Variants in MIAT observed in about 807,000 individuals in gnomAD.
The protein encoded by MIAT is MI related novel mRNA.
intron 2 of MIAT, among the ~76,000 whole-genome samples, chr22:26,649,201 G>A (rs1055423361): frequency 6.6e-6 from 1 of 152,186 alleles, no homozygotes; most frequent in Non-Finnish European, 1.5e-5. Flanking sequence ...TTTTACAGAA[G>A]AGGAAACTGA....
chr22:26,647,884 G>T (rs1443873991), intron 2 of MIAT, among the ~76,000 whole-genome samples: 2 of 151,770 alleles, frequency 1.3e-5, no homozygotes, highest in Non-Finnish European at 2.9e-5. Context: ...GGAGTGCATT[G>T]GGTGTGGGGG....
chr22:26,668,663 G>A, exon 6 of MIAT: 2 of 399,218 alleles, frequency 5.0e-6, no homozygotes, highest in Admixed American at 4.4e-5. Flanking sequence ...GTCAGGCAGA[G>A]GGCAGATGCA....
downstream of MIAT, chr22:26,669,662 T>C (rs1026734241): frequency 2.5e-5 from 10 of 398,662 alleles, no homozygotes; most frequent in African/African-American, 1.6e-4. Flanking sequence ...ACCGCAAACA[T>C]GGAAAGTCAG....
intron 2 of MIAT, among the ~76,000 whole-genome samples, chr22:26,649,252 G>A (rs1930294030): frequency 6.6e-6 from 1 of 152,206 alleles, no homozygotes; most frequent in African/African-American, 2.4e-5. Flanking sequence ...GTCACATGGT[G>A]GGTAAGGGGC....
downstream of MIAT, chr22:26,673,531 C>A: frequency 2.5e-6 from 1 of 398,738 alleles, no homozygotes; most frequent in Non-Finnish European, 4.4e-6. Context: ...CTGGTCTGTT[C>A]CTTTCAGCAG....
At chr22:26,663,797 G>A (rs1451578414) in intron 3 of MIAT, among the ~76,000 whole-genome samples, 3 of 152,028 alleles carry the variant, frequency 2.0e-5, no homozygotes, top group Non-Finnish European at 4.4e-5. Flanking sequence ...TTTTGACAAA[G>A]GTATACACCT....
At chr22:26,670,645 T>G (rs1274659878), downstream of MIAT, 5 of 379,232 alleles carry the variant, frequency 1.3e-5, no homozygotes, top group African/African-American at 4.3e-5. Flanking sequence ...TAATTCAAAT[T>G]CCGCTGCACT....
At chr22:26,659,338 T>C (rs548920389) in intron 2 of MIAT, among the ~76,000 whole-genome samples, 1 of 152,328 alleles carries the variant, frequency 6.6e-6, no homozygotes, top group South Asian at 2.1e-4. Flanking sequence ...AAGCATTTTA[T>C]GTAAACACCT....
In MIAT at chr22:26,675,945, A is replaced by T. The variant is rs1931245496; in HGVS notation, n.9613A>T. 4.0e-5 allele frequency: 16 copies of T among 398,588 alleles called. No homozygotes were observed. The East Asian group carries it at 5.7e-4, about 14-fold the overall frequency. 24.7% of individuals were successfully genotyped at this position (398,588 alleles called of 1,614,324 possible). A position where few individuals can be genotyped will look rare whatever the true frequency, so the allele number is the denominator to read the frequency against. On this transcript the variant is annotated non_coding_transcript_exon_variant, in exon 5 of 5. Coordinates refer to the MIAT transcript ENST00000613780. Reference sequence around the variant, plus strand: ...TTGGCGATGGTTGTGAGATTCTAAGAGTGTGTGTGCATCTTGACAATATTA... The same window carrying T: ...TTGGCGATGGTTGTGAGATTCTAAGTGTGTGTGTGCATCTTGACAATATTA...
chr22:26,667,388 G>A, intron 5 of MIAT: 1 of 395,692 alleles, frequency 2.5e-6, no homozygotes, highest in Non-Finnish European at 4.4e-6. Flanking sequence ...CTGTGTGTGT[G>A]TGCATGCGTG....
exon 4 of MIAT, chr22:26,666,655 G>A (rs919040789): frequency 2.5e-6 from 1 of 398,636 alleles, no homozygotes; most frequent in Non-Finnish European, 4.4e-6. Context: ...AGTGAGTGAA[G>A]GGAACCTGGG....
intron 2 of MIAT, among the ~76,000 whole-genome samples, chr22:26,662,442 G>A (rs1366513907): frequency 1.3e-5 from 2 of 152,184 alleles, no homozygotes; most frequent in Non-Finnish European, 2.9e-5. Context: ...ATAAGTGTTA[G>A]TTTAGCTTTC....
intron 2 of MIAT, among the ~76,000 whole-genome samples, chr22:26,659,020 A>C (rs1229039973): frequency 3.3e-5 from 5 of 152,186 alleles, no homozygotes; most frequent in Non-Finnish European, 7.3e-5. Flanking sequence ...GGGAAACCTG[A>C]GGACGGTGGT....
intron 2 of MIAT, among the ~76,000 whole-genome samples, chr22:26,651,246 T>G (rs1930330979): frequency 6.6e-6 from 1 of 152,148 alleles, no homozygotes; most frequent in Admixed American, 6.5e-5. Context: ...ATGACTCAAA[T>G]GAGATTTTCT....
chr22:26,650,946 G>T (rs907418795), intron 2 of MIAT, among the ~76,000 whole-genome samples: 1 of 152,142 alleles, frequency 6.6e-6, no homozygotes, highest in Non-Finnish European at 1.5e-5. Context: ...TTACCAGTTG[G>T]AGATGACACC....
chr22:26,664,005 CTTTTTTTTTT>C lies in MIAT; in HGVS notation n.729+622_729+631del, dbSNP rs202155948. 1.0e-4 allele frequency among the ~76,000 whole-genome samples: 12 copies of C among 116,290 alleles called. 1 individual carries two copies. Among genetic ancestry groups the C allele is most frequent in the East Asian group, 5.2e-4 (2 of 3,836 alleles). The allele number at this position is 116,290 out of a possible 152,430, so 76.3% of individuals were successfully genotyped here. ...TATATATGGAAGCTTCTGTGTTCAG[CTTTTTTTTTT>C]TTTTTTTTTTTTTTGAGACAAGATC... On this transcript the variant is annotated intron_variant and non_coding_transcript_variant, in intron 3 of 5. Coordinates refer to ENST00000643270, the Ensembl canonical transcript of MIAT.
At chr22:26,651,109 G>A (rs1450216706) in intron 2 of MIAT, among the ~76,000 whole-genome samples, 3 of 152,106 alleles carry the variant, frequency 2.0e-5, no homozygotes, top group African/African-American at 7.2e-5. Context: ...GTAGTTTCAG[G>A]GAATTGTTGA....
chr22:26,649,725 C>T (rs568709333), intron 2 of MIAT, among the ~76,000 whole-genome samples: 1 of 152,294 alleles, frequency 6.6e-6, no homozygotes, highest in East Asian at 1.9e-4. Context: ...CTATCCTGGC[C>T]AACATGGTGA....
chr22:26,664,043 G>A (rs544714070), intron 3 of MIAT, among the ~76,000 whole-genome samples: 5 of 135,216 alleles, frequency 3.7e-5, no homozygotes, highest in South Asian at 2.3e-4. Context: ...ACAAGATCTC[G>A]CTCTGCTGTT....
Sources: allele counts gnomAD v4.1 joint callset (sites outside exome capture counted in the v4.1 genomes callset), GRCh38; gene constraint gnomAD v4.1.1; transcripts MANE v1.5; gene names NCBI Gene and HGNC (gene_info 2026-07-23, HGNC 2026-07-21).